TENM1: variants seen among roughly 807,000 people sequenced by gnomAD.
TENM1 encodes the protein teneurin-1.
In TENM1, 35 loss-of-function variants were observed where a neutral mutation model predicts 174.8. That is an observed-to-expected ratio of 0.20 (90% CI 0.15 to 0.27). The LOEUF (loss-of-function observed/expected upper bound fraction) is 0.27, where lower values mean the gene tolerates loss of function less well. Among genes scored for constraint, TENM1 ranks in the 10% least tolerant of loss-of-function variants. The pLI is 1.00. For missense variants in TENM1, 1,633 were observed against 2,130.1 expected (o/e 0.77, Z 4.59); for synonymous variants, 781 against 798.7 (o/e 0.98, Z 0.37).
chrX:125,191,920 T>A, the TENM1 span, among the ~76,000 whole-genome samples: 1 of 110,906 alleles, frequency 9.0e-6, no homozygotes, highest in African/African-American at 3.3e-5. Context: ...GGGAATAAGC[T>A]AGGTTTTTTT....
At chrX:125,073,573 C>A in the TENM1 span, among the ~76,000 whole-genome samples, 1 of 111,081 alleles carries the variant, frequency 9.0e-6, no homozygotes, top group East Asian at 2.8e-4. Flanking sequence ...AAGTAGGAGT[C>A]ACCTGCAGTA....
At chrX:124,403,648 A>T (rs1178252956) in intron 27 of TENM1, among the ~76,000 whole-genome samples, 3 of 111,297 alleles carry the variant, frequency 2.7e-5, no homozygotes, top group Non-Finnish European at 5.7e-5. Context: ...TTGCACTTCC[A>T]CAACCTTAAG....
chrX:125,167,702 C>CTG, the TENM1 span, among the ~76,000 whole-genome samples: 2 of 109,770 alleles, frequency 1.8e-5, no homozygotes, highest in Non-Finnish European at 3.8e-5. Context: ...GTAAATTTTG[C>CTG]TGTGTGTGTG....
chrX:124,998,857 T>C, the TENM1 span, among the ~76,000 whole-genome samples: 3 of 111,877 alleles, frequency 2.7e-5, no homozygotes, highest in Non-Finnish European at 5.7e-5. Flanking sequence ...ATGCACTTAT[T>C]ACACTTGCAA....
upstream of TENM1, among the ~76,000 whole-genome samples, chrX:124,966,554 C>T (rs1483672249): frequency 5.7e-5 from 6 of 106,117 alleles, no homozygotes; most frequent in Admixed American, 1.0e-4. Context: ...CCCAGCTACT[C>T]GGGAGGCTGA....
intron 3 of TENM1, among the ~76,000 whole-genome samples, chrX:124,772,645 C>T (rs1219461845): frequency 9.0e-6 from 1 of 111,382 alleles, no homozygotes; most frequent in African/African-American, 3.3e-5. Context: ...CTGAAATCAT[C>T]TCGGTAAAAA....
At chrX:124,394,183 C>T (rs955338053) in intron 27 of TENM1, among the ~76,000 whole-genome samples, 4 of 111,475 alleles carry the variant, frequency 3.6e-5, no homozygotes, top group African/African-American at 1.3e-4. Context: ...AGGAGTGAAA[C>T]TCACATTAGG....
chrX:124,931,962 G>A (rs771260970), intron 1 of TENM1, among the ~76,000 whole-genome samples: 3 of 111,081 alleles, frequency 2.7e-5, no homozygotes, highest in Admixed American at 9.6e-5. Flanking sequence ...GCCTTTAACT[G>A]TGGATGCTCA....
chrX:124,633,064 C>T (rs1336006737), intron 11 of TENM1, among the ~76,000 whole-genome samples: 3 of 112,208 alleles, frequency 2.7e-5, no homozygotes, highest in South Asian at 3.7e-4. Context: ...CAGGGACAGA[C>T]ACACCTTGTA....
chrX:124,452,447 G>A, intron 23 of TENM1, among the ~76,000 whole-genome samples: 1 of 112,174 alleles, frequency 8.9e-6, no homozygotes, highest in Non-Finnish European at 1.9e-5. Flanking sequence ...TTCAACCAGT[G>A]TGGAAGTCAG....
intron 18 of TENM1, among the ~76,000 whole-genome samples, chrX:124,511,916 A>C (rs1456187923): frequency 1.8e-5 from 2 of 111,679 alleles, no homozygotes; most frequent in Non-Finnish European, 3.8e-5. Context: ...ACCTTTAGGA[A>C]GTCTAGTTTT....
intron 19 of TENM1, among the ~76,000 whole-genome samples, chrX:124,499,867 G>A (rs187194093): frequency 5.4e-4 from 60 of 111,862 alleles, no homozygotes; most frequent in African/African-American, 1.8e-3. Flanking sequence ...GCACTATAGT[G>A]TATATCATTC....
At chrX:125,038,234 C>CT in the TENM1 span, among the ~76,000 whole-genome samples, 2 of 109,967 alleles carry the variant, frequency 1.8e-5, no homozygotes, top group South Asian at 3.9e-4. Flanking sequence ...ACAGTTTAGC[C>CT]TTTTTTTTGT....
At chrX:125,029,453 T>C in the TENM1 span, among the ~76,000 whole-genome samples, 1 of 111,423 alleles carries the variant, frequency 9.0e-6, no homozygotes, top group African/African-American at 3.3e-5. Context: ...GTAGGCATAC[T>C]TTTGGCCATT....
At chrX:125,159,789 C>G in the TENM1 span, among the ~76,000 whole-genome samples, 1 of 111,892 alleles carries the variant, frequency 8.9e-6, no homozygotes, top group African/African-American at 3.3e-5. Flanking sequence ...GAGTCAGCTT[C>G]TAGAGATCCA....
chrX:124,847,862 C>T (rs1263134661), intron 3 of TENM1, among the ~76,000 whole-genome samples: 1 of 111,343 alleles, frequency 9.0e-6, no homozygotes, highest in Non-Finnish European at 1.9e-5. Context: ...ACAAAATATC[C>T]TTTGGCATTA....
intron 1 of TENM1, among the ~76,000 whole-genome samples, chrX:124,939,694 C>A (rs1245106762): frequency 9.0e-6 from 1 of 111,163 alleles, no homozygotes; most frequent in Non-Finnish European, 1.9e-5. Context: ...CTCACAGCGG[C>A]CCTCTTTCTG....
chrX:124,913,861 A>G (rs2057877124), intron 1 of TENM1, among the ~76,000 whole-genome samples: 1 of 112,201 alleles, frequency 8.9e-6, no homozygotes, highest in Admixed American at 9.5e-5. Context: ...AAGTAATAAT[A>G]GTCATAACAG....
At chrX:124,703,677 T>C (rs1157618686) in intron 5 of TENM1, among the ~76,000 whole-genome samples, 1 of 112,106 alleles carries the variant, frequency 8.9e-6, no homozygotes, top group East Asian at 2.8e-4. Context: ...CTCAATGATA[T>C]ATGAAAATCA....
Sources: gnomAD v4.1 joint callset for allele counts (sites outside exome capture counted in the v4.1 genomes callset) on GRCh38, gnomAD v4.1.1 for gene constraint, MANE v1.5 for transcripts, NCBI Gene and HGNC (gene_info 2026-07-23, HGNC 2026-07-21) for gene names.